The following AGBL1 variants were observed in gnomAD, a reference collection of about 807,000 sequenced individuals.
The protein encoded by AGBL1 is cytosolic carboxypeptidase 4.
AGBL1 carries 130 observed loss-of-function variants against 118.9 expected under a neutral mutation model. The ratio of observed to expected loss-of-function variants is 1.09; its 90% CI spans 0.95 to 1.26. The LOEUF (loss-of-function observed/expected upper bound fraction) is 1.26, where lower values mean the gene tolerates loss of function less well. Ranked by LOEUF, AGBL1 falls within the 50% of genes most tolerant of loss-of-function variation. The probability of loss-of-function intolerance (pLI) is 0.00; values close to 1 mark genes in which losing one functional copy is unlikely to be tolerated. For missense variants in AGBL1, 1,584 were observed against 1,298.1 expected (o/e 1.22, Z -3.38); for synonymous variants, 555 against 478.9 (o/e 1.16, Z -2.08).
At chr15:86,845,055 G>T (rs931204470) in intron 22 of AGBL1, among the ~76,000 whole-genome samples, 3 of 151,992 alleles carry the variant, frequency 2.0e-5, no homozygotes, top group Non-Finnish European at 4.4e-5. Flanking sequence ...TGCAGTGCTT[G>T]CTGTCTTAAT....
chr15:86,553,540 A>G (rs1024968777), intron 20 of AGBL1, among the ~76,000 whole-genome samples: 4 of 152,298 alleles, frequency 2.6e-5, no homozygotes, highest in African/African-American at 9.6e-5. Flanking sequence ...TCTGGCAATT[A>G]TATACTCTTA....
At chr15:86,690,018 G>T (rs1346336745) in intron 22 of AGBL1, among the ~76,000 whole-genome samples, 1 of 152,102 alleles carries the variant, frequency 6.6e-6, no homozygotes, top group Non-Finnish European at 1.5e-5. Context: ...ATTAGATAGG[G>T]AATGGTTTCT....
chr15:86,376,332 T>C (rs985909827), intron 17 of AGBL1, among the ~76,000 whole-genome samples: 1 of 152,236 alleles, frequency 6.6e-6, no homozygotes, highest in African/African-American at 2.4e-5. Context: ...CTTCCCAGAA[T>C]CACCCTTAGT....
chr15:86,871,534 A>C (rs1387459899), intron 22 of AGBL1, among the ~76,000 whole-genome samples: 1 of 152,114 alleles, frequency 6.6e-6, no homozygotes, highest in African/African-American at 2.4e-5. Flanking sequence ...CTGGATCCTC[A>C]GGCTCTCTCC....
At chr15:86,747,385 TAAATA>T (rs1444911174) in intron 22 of AGBL1, among the ~76,000 whole-genome samples, 1 of 151,994 alleles carries the variant, frequency 6.6e-6, no homozygotes, top group African/African-American at 2.4e-5. Context: ...AAAATTGAAA[TAAATA>T]AAAATAATAA....
At chr15:86,601,361 A>G (rs943083831) in intron 21 of AGBL1, among the ~76,000 whole-genome samples, 2 of 152,256 alleles carry the variant, frequency 1.3e-5, no homozygotes, top group African/African-American at 4.8e-5. Context: ...CTTTCCAAGT[A>G]TGTGTTGCTT....
At chr15:86,644,764 G>C (rs1053825381) in intron 21 of AGBL1, among the ~76,000 whole-genome samples, 3 of 150,402 alleles carry the variant, frequency 2.0e-5, no homozygotes, top group Non-Finnish European at 4.4e-5. Flanking sequence ...CCAGCACTTT[G>C]AGAGGTCAAG....
chr15:86,516,814 A>AG (rs1229621362), intron 18 of AGBL1, among the ~76,000 whole-genome samples: 12 of 141,778 alleles, frequency 8.5e-5, no homozygotes, highest in African/African-American at 3.1e-4. Context: ...AAAAAAAAAA[A>AG]GTGATTTAAC....
Position 86,367,757 on chromosome 15 carries a change from G to A in AGBL1, c.2375-29609G>A, listed in dbSNP as rs141123077. ...AGGCTTTTAGGATACTTTCCTTGTC[G>A]TCCAAACAGATGACGTTGGTAGATA... On this transcript the variant is annotated intron_variant, in intron 17 of 22. Transcript: ENST00000614907. 7.2e-3 allele frequency among the ~76,000 whole-genome samples: 1,090 copies of A among 152,180 alleles called. 9 individuals carry two copies. Among genetic ancestry groups the A allele is most frequent in the Non-Finnish European group, 0.01 (709 of 67,998 alleles).
At chr15:86,817,124 T>A (rs1294403208) in intron 22 of AGBL1, among the ~76,000 whole-genome samples, 1 of 151,760 alleles carries the variant, frequency 6.6e-6, no homozygotes, top group African/African-American at 2.4e-5. Flanking sequence ...CCATCTCTAC[T>A]ATAAAATACA....
At chr15:86,165,174 G>A (rs946529370) in intron 5 of AGBL1, among the ~76,000 whole-genome samples, 2 of 152,120 alleles carry the variant, frequency 1.3e-5, no homozygotes, top group Admixed American at 1.3e-4. Flanking sequence ...TTAGTCTCCT[G>A]TTGGCTGTCC....
chr15:86,268,200 G>T (rs747334233), intron 13 of AGBL1, among the ~76,000 whole-genome samples: 1 of 152,060 alleles, frequency 6.6e-6, no homozygotes, highest in Non-Finnish European at 1.5e-5. Context: ...TTCCTCTTTG[G>T]GGGAGGTGAA....
intron 22 of AGBL1, among the ~76,000 whole-genome samples, chr15:86,864,170 T>C (rs965796715): frequency 1.3e-5 from 2 of 152,122 alleles, no homozygotes; most frequent in South Asian, 2.1e-4. Flanking sequence ...AAAGAAGGCA[T>C]ACTTGCTCCC....
chr15:86,925,696 C>CT (rs2080529157), intron 23 of AGBL1, among the ~76,000 whole-genome samples: 1 of 143,646 alleles, frequency 7.0e-6, no homozygotes, highest in Non-Finnish European at 1.5e-5. Flanking sequence ...TTCTTTTTTT[C>CT]TTTTTTCTTT....
At chr15:86,209,417 G>A (rs1220991220) in intron 5 of AGBL1, among the ~76,000 whole-genome samples, 2 of 152,266 alleles carry the variant, frequency 1.3e-5, no homozygotes, top group South Asian at 4.2e-4. Context: ...ACAGTGGAGT[G>A]TTAAAGTCTC....
intron 1 of AGBL1, among the ~76,000 whole-genome samples, chr15:86,136,091 G>C (rs1567077428): frequency 1.3e-5 from 2 of 152,190 alleles, no homozygotes; most frequent in South Asian, 2.1e-4. Flanking sequence ...CTCCAGTCTA[G>C]TGCATCTGCC....
rs756052402 is a variant in AGBL1 at position 86,390,660 on chromosome 15, A to ATTTTTTTTTTTTTTTTT, written c.2375-6696_2375-6680dup. On this transcript the variant is annotated intron_variant, in intron 17 of 22. Coordinates refer to ENST00000614907, the MANE Select transcript of AGBL1 (RefSeq NM_001386094.1). ...AGGCAGAAAAGTTATATACTGTATG[A>ATTTTTTTTTTTTTTTTT]TTTTTTTTTTTTTTTTTTTTTTTTT... Among the ~76,000 whole-genome samples the ATTTTTTTTTTTTTTTTT allele has an allele frequency of 1.5e-3, 110 of 75,466 alleles. 13 individuals are homozygous for ATTTTTTTTTTTTTTTTT. Among genetic ancestry groups the ATTTTTTTTTTTTTTTTT allele is most frequent in the Non-Finnish European group, 2.0e-3 (84 of 42,004 alleles). 49.5% of individuals were successfully genotyped at this position (75,466 alleles called of 152,430 possible).
At chr15:86,284,507 T>A (rs1257821544) in intron 16 of AGBL1, among the ~76,000 whole-genome samples, 1 of 152,202 alleles carries the variant, frequency 6.6e-6, no homozygotes, top group Non-Finnish European at 1.5e-5. Context: ...AGCATATTCT[T>A]GTACCTTTTA....
intron 17 of AGBL1, among the ~76,000 whole-genome samples, chr15:86,361,274 G>T (rs1422902902): frequency 6.6e-6 from 1 of 151,838 alleles, no homozygotes; most frequent in Non-Finnish European, 1.5e-5. Context: ...TACTGTTACT[G>T]ATTTCTATTT....
Sources: gnomAD v4.1 joint callset for allele counts (sites outside exome capture counted in the v4.1 genomes callset) on GRCh38, gnomAD v4.1.1 for gene constraint, MANE v1.5 for transcripts, NCBI Gene and HGNC (gene_info 2026-07-23, HGNC 2026-07-21) for gene names.